Variants in OCA2 observed in about 807,000 individuals in gnomAD.
The protein encoded by OCA2 is P protein.
Under a neutral mutation model 100.2 loss-of-function variants are expected in OCA2, and 77 were observed. The observed-to-expected ratio is 0.77, with a 90% CI of 0.64 to 0.93. The LOEUF (loss-of-function observed/expected upper bound fraction) is 0.93, where lower values mean the gene tolerates loss of function less well. Ranked by LOEUF, OCA2 falls within the 40% of genes least tolerant of loss-of-function variation. The probability of loss-of-function intolerance (pLI) is 0.00; values close to 1 mark genes in which losing one functional copy is unlikely to be tolerated. For synonymous variants in OCA2, 432 were observed against 439.2 expected, an observed-to-expected ratio of 0.98 and a Z score of 0.21; for missense variants, 1,062 against 1,089.1, an observed-to-expected ratio of 0.98 and a Z score of 0.35.
chr15:27,990,453 G>A (rs1221791059), intron 10 of OCA2, 123 bp downstream of exon 10: 1 of 971,534 alleles, frequency 1.0e-6, no homozygotes, highest in Non-Finnish European at 1.7e-6. Flanking sequence ...ATGGTTCTTG[G>A]GCAAAAACAT....
chr15:27,849,727 G>A (rs1334607572), intron 22 of OCA2, among the ~76,000 whole-genome samples: 1 of 152,216 alleles, frequency 6.6e-6, no homozygotes, highest in African/African-American at 2.4e-5. Context: ...GAGCTCTGCA[G>A]ATGGACGGTG....
At chr15:27,775,843 G>C (rs1190155149) in intron 23 of OCA2, 2 of 152,298 alleles carry the variant, frequency 1.3e-5, no homozygotes, top group Non-Finnish European at 2.9e-5. Context: ...GGCCAGACTG[G>C]ATGAGGGCTC....
At chr15:28,021,199 T>C (rs1347482229) in intron 6 of OCA2, among the ~76,000 whole-genome samples, 2 of 152,194 alleles carry the variant, frequency 1.3e-5, no homozygotes, top group African/African-American at 4.8e-5. Flanking sequence ...CCTCCACGGA[T>C]GCCCGCCGCA....
intron 2 of OCA2, among the ~76,000 whole-genome samples, chr15:28,073,788 AT>A: frequency 6.6e-6 from 1 of 152,206 alleles, no homozygotes; most frequent in Non-Finnish European, 1.5e-5. Flanking sequence ...ACACTGTATG[AT>A]TTCATGTATA....
downstream of OCA2, among the ~76,000 whole-genome samples, chr15:27,750,476 T>C (rs2030031303): frequency 1.3e-5 from 2 of 152,182 alleles, no homozygotes; most frequent in Non-Finnish European, 2.9e-5. Flanking sequence ...ATATTGGGCA[T>C]ATAGAGAAAG....
chr15:27,840,084 G>C (rs1002709884), intron 23 of OCA2, among the ~76,000 whole-genome samples: 1 of 152,050 alleles, frequency 6.6e-6, no homozygotes, highest in African/African-American at 2.4e-5. Context: ...GCAGTGTTCG[G>C]AGGAAAGAGC....
At chr15:28,037,100 G>A (rs968099397) in intron 2 of OCA2, among the ~76,000 whole-genome samples, 5 of 152,044 alleles carry the variant, frequency 3.3e-5, no homozygotes, top group African/African-American at 9.7e-5. Context: ...CAGGAAGGTC[G>A]AGAGCCAATG....
intron 19 of OCA2, among the ~76,000 whole-genome samples, chr15:27,874,109 T>C (rs1459713492): frequency 6.6e-6 from 1 of 152,194 alleles, no homozygotes; most frequent in African/African-American, 2.4e-5. Flanking sequence ...TTCAAAATGA[T>C]AAACTAGGAG....
At chr15:27,896,317 G>A in intron 19 of OCA2, 1 of 882,344 alleles carries the variant, frequency 1.1e-6, no homozygotes, top group South Asian at 1.3e-5. Context: ...GATTACATGT[G>A]CTACTTAATG....
chr15:28,037,425 G>C (rs563376048), intron 2 of OCA2, among the ~76,000 whole-genome samples: 86 of 152,232 alleles, frequency 5.6e-4, no homozygotes, highest in African/African-American at 2.0e-3. Context: ...ACCAGGAGGG[G>C]TCCCTCATGG....
chr15:28,017,992 C>A (rs988224982), intron 7 of OCA2, among the ~76,000 whole-genome samples: 1 of 151,826 alleles, frequency 6.6e-6, no homozygotes, highest in African/African-American at 2.4e-5. Flanking sequence ...CAGCTCAGAA[C>A]GTAGGCACTG....
chr15:27,942,221 G>T (rs1377004674), intron 18 of OCA2, among the ~76,000 whole-genome samples: 1 of 148,118 alleles, frequency 6.8e-6, no homozygotes, highest in Non-Finnish European at 1.5e-5. Context: ...TATAATATAT[G>T]ATATTATATA....
chr15:27,992,618 A>G (rs2041593639), intron 9 of OCA2, among the ~76,000 whole-genome samples: 1 of 152,166 alleles, frequency 6.6e-6, no homozygotes, highest in Admixed American at 6.5e-5. Context: ...CTCTTTTTTG[A>G]TATTTAATTA....
intron 18 of OCA2, among the ~76,000 whole-genome samples, chr15:27,934,178 G>A (rs1196572495): frequency 1.4e-5 from 2 of 144,284 alleles, no homozygotes; most frequent in Non-Finnish European, 3.1e-5. Flanking sequence ...TAAAAAGGAA[G>A]ATGGGGTTGG....
rs78848523 is a variant in OCA2 at position 27,886,003 on chromosome 15, C to T, written c.2080-14081G>A. On this transcript the variant is annotated intron_variant, in intron 19 of 23. Transcript: ENST00000354638. ...TCAGCAATGATGGAAGAACTCCTTCCGCAGGGCCAGGGAAGGCTGCCCTGA... is the reference window on the plus strand; with the variant it reads ...TCAGCAATGATGGAAGAACTCCTTCTGCAGGGCCAGGGAAGGCTGCCCTGA... 3.8e-3 allele frequency among the ~76,000 whole-genome samples: 584 copies of T among 152,270 alleles called. 2 individuals are homozygous for T. The highest frequency in any genetic ancestry group is 0.012 in the African/African-American group (487 of 41,544).
chr15:27,868,421 A>C (rs1300282312), intron 21 of OCA2, among the ~76,000 whole-genome samples: 1 of 152,216 alleles, frequency 6.6e-6, no homozygotes, highest in Non-Finnish European at 1.5e-5. Context: ...TTGTGACAAC[A>C]TGGATGAACG....
chr15:27,968,796 G>A (rs2040668165), intron 14 of OCA2, among the ~76,000 whole-genome samples: 1 of 152,150 alleles, frequency 6.6e-6, no homozygotes, highest in Admixed American at 6.5e-5. Flanking sequence ...AAACCACACA[G>A]AGGCGGGACT....
At chr15:27,949,275 C>T (rs566295251) in intron 18 of OCA2, among the ~76,000 whole-genome samples, 40 of 152,310 alleles carry the variant, frequency 2.6e-4, no homozygotes, top group Middle Eastern at 3.4e-3. Flanking sequence ...GATGATGTCA[C>T]GTTACATGAT....
At chr15:27,746,747 GCAGCA>G in the OCA2 span, among the ~76,000 whole-genome samples, 1 of 152,198 alleles carries the variant, frequency 6.6e-6, no homozygotes, top group Non-Finnish European at 1.5e-5. Context: ...GGCCTTTGAT[GCAGCA>G]GTGGAGACAG....
Sources: allele counts gnomAD v4.1 joint callset (sites outside exome capture counted in the v4.1 genomes callset), GRCh38; gene constraint gnomAD v4.1.1; transcripts MANE v1.5; gene names NCBI Gene and HGNC (gene_info 2026-07-23, HGNC 2026-07-21).